Variants in SKA2 observed in about 807,000 individuals in gnomAD.
SKA2 encodes spindle and kinetochore-associated protein 2.
A neutral mutation model predicts 16.9 loss-of-function variants in SKA2; 13 were observed. The ratio of observed to expected loss-of-function variants is 0.77; its 90% CI spans 0.50 to 1.22. The LOEUF is 1.22. Among genes scored for constraint, SKA2 ranks in the 50% most tolerant of loss-of-function variants. SKA2 has a pLI of 0.00. For missense variants in SKA2, 107 were observed against 139.7 expected, an observed-to-expected ratio of 0.77 and a Z score of 1.18; for synonymous variants, 47 against 48.5, an observed-to-expected ratio of 0.97 and a Z score of 0.13.
At chr17:59,116,180 G>A (rs2147793040) in intron 3 of SKA2, among the ~76,000 whole-genome samples, 1 of 152,206 alleles carries the variant, frequency 6.6e-6, no homozygotes, top group South Asian at 2.1e-4. Context: ...AGACCAGCCT[G>A]GCCAACTTGG....
chr17:59,153,007 T>C (rs1400285749), intron 1 of SKA2, among the ~76,000 whole-genome samples: 1 of 152,226 alleles, frequency 6.6e-6, no homozygotes, highest in East Asian at 1.9e-4. Context: ...GGCTACCTTA[T>C]AATTTTCTAA....
chr17:59,112,731 T>C (rs1413217747), intron 3 of SKA2, among the ~76,000 whole-genome samples: 1 of 152,148 alleles, frequency 6.6e-6, no homozygotes, highest in Non-Finnish European at 1.5e-5. Flanking sequence ...AACTGCGTAG[T>C]ATTTGCATAG....
chr17:59,117,267 A>G (rs1433491959), intron 3 of SKA2, among the ~76,000 whole-genome samples: 2 of 152,114 alleles, frequency 1.3e-5, no homozygotes, highest in Non-Finnish European at 2.9e-5. Context: ...TCCCATTCAC[A>G]TTTGGATCAT....
chr17:59,139,089 C>T (rs2046467559), intron 1 of SKA2, among the ~76,000 whole-genome samples: 1 of 152,084 alleles, frequency 6.6e-6, no homozygotes, highest in Non-Finnish European at 1.5e-5. Flanking sequence ...TCTGGACTTA[C>T]TAAACAGGCT....
chr17:59,122,808 A>C (rs1568302893), intron 2 of SKA2, among the ~76,000 whole-genome samples: 1 of 151,882 alleles, frequency 6.6e-6, no homozygotes, highest in Non-Finnish European at 1.5e-5. Flanking sequence ...GTTTTAGTAG[A>C]GATGAGGTTT....
chr17:59,121,398 T>C (rs1359364161), intron 2 of SKA2, among the ~76,000 whole-genome samples: 4 of 152,086 alleles, frequency 2.6e-5, no homozygotes, highest in African/African-American at 9.7e-5. Flanking sequence ...CTCATGACTG[T>C]AATCTCAACA....
intron 2 of SKA2, among the ~76,000 whole-genome samples, chr17:59,129,948 G>T (rs1414922548): frequency 7.3e-6 from 1 of 137,622 alleles, no homozygotes; most frequent in Non-Finnish European, 1.6e-5. Flanking sequence ...AGAGAAAGAG[G>T]GAAGGAGGGA....
intron 2 of SKA2, among the ~76,000 whole-genome samples, chr17:59,129,960 G>A (rs985598050): frequency 5.8e-5 from 8 of 139,080 alleles, no homozygotes; most frequent in African/African-American, 2.1e-4. Context: ...AAGGAGGGAA[G>A]GAAGGAAGGG....
intron 1 of SKA2, among the ~76,000 whole-genome samples, chr17:59,146,269 T>C (rs2046531688): frequency 6.6e-6 from 1 of 151,972 alleles, no homozygotes; most frequent in South Asian, 2.1e-4. Flanking sequence ...GAGGCCAAGG[T>C]GGGAGGATCA....
chr17:59,119,912 CT>C (rs758313063), intron 2 of SKA2, among the ~76,000 whole-genome samples: 1,808 of 142,436 alleles, frequency 0.013, 24 homozygotes, highest in African/African-American at 0.038. Context: ...TTATAAAAAT[CT>C]TTTTTTTTTT....
At chr17:59,112,380 AC>A in intron 3 of SKA2, 35 bp from the exon 4 acceptor site, 1 of 1,501,658 alleles carries the variant, frequency 6.7e-7, no homozygotes. Context: ...TATTTCAAAA[AC>A]TTTCAAAGAC....
In SKA2 at chr17:59,110,353, C is replaced by T. The variant is rs1371832316; in HGVS notation, c.*1924G>A. 6.6e-6 allele frequency: 1 copy of T among 152,198 alleles called. No homozygotes were observed. The highest frequency in any genetic ancestry group is 1.5e-5 in the Non-Finnish European group (1 of 68,040). The allele number at this position is 152,198 out of a possible 1,614,324, so 9.4% of individuals were successfully genotyped here. A position where few individuals can be genotyped will look rare whatever the true frequency, so the allele number is the denominator to read the frequency against. ...TAATACTAAGAATTTATTATGATCTCTCCATGATACTACCGTTTTTTCAAT... is the reference window on the plus strand; with the variant it reads ...TAATACTAAGAATTTATTATGATCTTTCCATGATACTACCGTTTTTTCAAT... On this transcript the variant is annotated 3_prime_UTR_variant, in exon 4 of 4. Transcript: ENST00000330137.
chr17:59,146,394 G>A (rs754870391), intron 1 of SKA2, among the ~76,000 whole-genome samples: 14 of 152,128 alleles, frequency 9.2e-5, no homozygotes, highest in Non-Finnish European at 1.6e-4. Context: ...AGCTACTCGG[G>A]AGGGTGACGC....
At chr17:59,131,514 ATATCCAT>A in intron 1 of SKA2, 147 bp from the exon 2 acceptor site, 1 of 502,794 alleles carries the variant, frequency 2.0e-6, no homozygotes, top group South Asian at 5.4e-5. Flanking sequence ...AGTATATAAA[ATATCCAT>A]TATCCATAAT....
intron 2 of SKA2, among the ~76,000 whole-genome samples, chr17:59,128,305 C>T (rs566018376): frequency 2.4e-4 from 37 of 151,938 alleles, no homozygotes; most frequent in South Asian, 1.2e-3. Flanking sequence ...TACTGATTGA[C>T]GCTACAACAT....
At chr17:59,139,162 C>T (rs949678828) in intron 1 of SKA2, among the ~76,000 whole-genome samples, 3 of 152,054 alleles carry the variant, frequency 2.0e-5, no homozygotes, top group Admixed American at 2.0e-4. Flanking sequence ...CTTTGGGAGG[C>T]TGAGGCGGGC....
At chr17:59,119,187 G>GT in intron 3 of SKA2, 132 bp downstream of exon 3, 1 of 878,148 alleles carries the variant, frequency 1.1e-6, no homozygotes, top group Non-Finnish European at 1.7e-6. Context: ...ATACTTCAGG[G>GT]TATCAGGAAA....
chr17:59,147,905 A>T (rs1427891234), intron 1 of SKA2, among the ~76,000 whole-genome samples: 1 of 151,702 alleles, frequency 6.6e-6, no homozygotes, highest in African/African-American at 2.4e-5. Flanking sequence ...TGCAGTGATG[A>T]GATCTTGGCT....
At position 59,130,273 on chromosome 17, in the gene SKA2, T is replaced by A. The variant is rs79922284; in HGVS notation, c.120+1008A>T. Among the ~76,000 whole-genome samples the A allele has an allele frequency of 1.0e-3, 158 of 152,062 alleles. 1 individual carries two copies. Among genetic ancestry groups the A allele is most frequent in the African/African-American group, 3.6e-3 (150 of 41,532 alleles). ...TTTTTAATTGTATGGAATTTTTTTT[T>A]AACTGTAAAATGCACTGTTTCTTGT... On this transcript the variant is annotated intron_variant, in intron 2 of 3. Transcript: ENST00000330137.
Sources: gnomAD v4.1 joint callset for allele counts (sites outside exome capture counted in the v4.1 genomes callset) on GRCh38, gnomAD v4.1.1 for gene constraint, MANE v1.5 for transcripts, NCBI Gene and HGNC (gene_info 2026-07-23, HGNC 2026-07-21) for gene names.